Variants in RSRC1 observed in about 807,000 individuals in gnomAD.
The protein encoded by RSRC1 is arginine and serine rich coiled-coil 1.
A neutral mutation model predicts 49.1 loss-of-function variants in RSRC1; 39 were observed. That is an observed-to-expected ratio of 0.79 (90% CI 0.61 to 1.04). RSRC1 has a LOEUF of 1.04. Among genes scored for constraint, RSRC1 ranks in the 50% least tolerant of loss-of-function variants. The pLI is 0.00. For synonymous variants in RSRC1, 143 were observed against 130.8 expected, an observed-to-expected ratio of 1.09 and a Z score of -0.63; for missense variants, 388 against 402.4, an observed-to-expected ratio of 0.96 and a Z score of 0.31.
chr3:158,331,917 C>G (rs1559997148), intron 5 of RSRC1, among the ~76,000 whole-genome samples: 1 of 149,984 alleles, frequency 6.7e-6, no homozygotes, highest in Non-Finnish European at 1.5e-5. Flanking sequence ...TATTTAGTTG[C>G]TCTTTCATAA....
chr3:158,257,079 C>T (rs186173002), intron 4 of RSRC1, among the ~76,000 whole-genome samples: 9 of 152,172 alleles, frequency 5.9e-5, no homozygotes, highest in Admixed American at 3.9e-4. Context: ...TCCTTTGGTT[C>T]TGCTCTGATC....
At position 158,545,219 on chromosome 3, in the gene RSRC1, T is replaced by TTTTTTTTTTTTTTTG. The variant is rs1713277717; in HGVS notation, c.*944_*945insTTTTTTTTTTTTTTG. 7.2e-6 allele frequency: 1 copy of TTTTTTTTTTTTTTTG among 138,836 alleles called. No individual in the cohort carries two copies. The allele number at this position is 138,836 out of a possible 1,614,324, so 8.6% of individuals were successfully genotyped here. ...TTTTTTTTTTTTTTTTTTTTTTTTTTGAGACGGAGTCTCGCTCTATCCCCC... is the reference window on the plus strand; with the variant it reads ...TTTTTTTTTTTTTTTTTTTTTTTTTTTTTTTTTTTTTTTTGGAGACGGAGTCTCGCTCTATCCCCC... On this transcript the variant is annotated 3_prime_UTR_variant, in exon 10 of 10. Transcript: ENST00000611884.
At chr3:158,246,304 G>C (rs1723889211) in intron 4 of RSRC1, among the ~76,000 whole-genome samples, 1 of 151,394 alleles carries the variant, frequency 6.6e-6, no homozygotes, top group South Asian at 2.1e-4. Context: ...GTTAAATGAC[G>C]AGTTAATGGG....
chr3:158,167,380 A>G lies in RSRC1; in HGVS notation c.321-35692A>G, dbSNP rs546078306. Among the ~76,000 whole-genome samples, 223 of 152,192 alleles carry G rather than the reference A, an allele frequency of 1.5e-3. 1 individual carries two copies. The highest frequency in any genetic ancestry group is 5.2e-3 in the African/African-American group (217 of 41,544). On this transcript the variant is annotated intron_variant, in intron 3 of 9. Transcript: ENST00000611884. ...TAATTTTTGTGTATTTTGTAGAAAC[A>G]GAGTTTCACCATGTTGCCTAGGCTG...
At chr3:158,153,793 AGGAGCTTGT>A (rs2108215102) in intron 3 of RSRC1, among the ~76,000 whole-genome samples, 1 of 152,052 alleles carries the variant, frequency 6.6e-6, no homozygotes, top group Admixed American at 6.6e-5. Context: ...TTTTGGATTG[AGGAGCTTGT>A]TTTTGAGAGT....
chr3:158,266,176 C>G (rs1342244774), intron 4 of RSRC1, among the ~76,000 whole-genome samples: 1 of 152,020 alleles, frequency 6.6e-6, no homozygotes, highest in African/African-American at 2.4e-5. Context: ...AACACAGAAT[C>G]TTATTGTTTC....
intron 7 of RSRC1, among the ~76,000 whole-genome samples, chr3:158,495,268 T>C (rs1012828916): frequency 1.5e-4 from 23 of 152,156 alleles, no homozygotes; most frequent in Non-Finnish European, 1.0e-4. Context: ...TTTTTGTTTT[T>C]GTTTTTTGGG....
chr3:158,113,947 G>T (rs539038192), intron 1 of RSRC1, among the ~76,000 whole-genome samples: 2 of 151,870 alleles, frequency 1.3e-5, no homozygotes, highest in South Asian at 2.1e-4. Context: ...TCTATAGATT[G>T]TCTGTTCGTT....
In RSRC1 at chr3:158,425,255, G is replaced by A. The variant is rs556977707; in HGVS notation, c.584-35680G>A. 2.6e-5 allele frequency among the ~76,000 whole-genome samples: 4 copies of A among 152,150 alleles called. No individual in the cohort carries two copies. The South Asian group carries it at 8.3e-4, about 32-fold the overall frequency. ...TCCCTCTACACACTGCTTTGAATGT[G>A]TCCCAGAGATTGTGGTATATTGTGT... On this transcript the variant is annotated intron_variant, in intron 6 of 9. Transcript: ENST00000611884.
intron 5 of RSRC1, among the ~76,000 whole-genome samples, chr3:158,325,750 C>T (rs1356015200): frequency 4.6e-5 from 7 of 152,086 alleles, no homozygotes; most frequent in Admixed American, 1.3e-4. Context: ...AAGTAGTGTT[C>T]TCCAATTCTG....
chr3:158,155,569 C>T (rs375253988), intron 3 of RSRC1, among the ~76,000 whole-genome samples: 92 of 150,662 alleles, frequency 6.1e-4, no homozygotes, highest in Non-Finnish European at 1.2e-3. Flanking sequence ...GTAGGTGGGA[C>T]TACAGGAATG....
rs1721213863 is a variant in RSRC1 at position 158,203,950 on chromosome 3, CTTGT to C, written c.494+712_494+715del. Among the ~76,000 whole-genome samples the C allele has an allele frequency of 2.0e-5, 3 of 152,178 alleles. No individual in the cohort carries two copies. In the South Asian group the frequency reaches 6.2e-4, roughly 32 times the overall value. ...TTTTAACAGAGTAAATTTACAGCAT[CTTGT>C]TTGTTTTATTCAAAATTGTAATTGG... On this transcript the variant is annotated intron_variant, in intron 4 of 9. Transcript: ENST00000611884.
chr3:158,394,320 A>G (rs1733489100), intron 6 of RSRC1, among the ~76,000 whole-genome samples: 1 of 152,112 alleles, frequency 6.6e-6, no homozygotes, highest in African/African-American at 2.4e-5. Context: ...TAAGCAAAAG[A>G]AAGAAAAAAA....
chr3:158,176,401 A>C (rs770254896), intron 3 of RSRC1, among the ~76,000 whole-genome samples: 8 of 152,216 alleles, frequency 5.3e-5, no homozygotes, highest in Non-Finnish European at 1.0e-4. Context: ...ACTTCAAACT[A>C]TACTACAAGG....
chr3:158,225,867 A>G (rs978184830), intron 4 of RSRC1: 1 of 287,712 alleles, frequency 3.5e-6, no homozygotes, highest in Non-Finnish European at 6.8e-6. Flanking sequence ...ACACTAGAGA[A>G]TGGTACAAAA....
chr3:158,146,830 A>G (rs1291891664), intron 3 of RSRC1, among the ~76,000 whole-genome samples: 3 of 152,140 alleles, frequency 2.0e-5, no homozygotes, highest in Admixed American at 1.3e-4. Context: ...CTATTCAGAG[A>G]TTTAGCTTCT....
intron 3 of RSRC1, among the ~76,000 whole-genome samples, chr3:158,179,988 T>C (rs1162862539): frequency 1.3e-5 from 2 of 152,258 alleles, no homozygotes; most frequent in African/African-American, 2.4e-5. Context: ...TTAATGATGC[T>C]GAACAACTTT....
chr3:158,442,957 T>TA (rs971036742), intron 6 of RSRC1, among the ~76,000 whole-genome samples: 1 of 152,078 alleles, frequency 6.6e-6, no homozygotes, highest in African/African-American at 2.4e-5. Context: ...ATACTGTCAA[T>TA]AAGCAATAAT....
At chr3:158,191,633 T>C (rs1720251534) in intron 3 of RSRC1, among the ~76,000 whole-genome samples, 1 of 152,028 alleles carries the variant, frequency 6.6e-6, no homozygotes, top group Admixed American at 6.6e-5. Context: ...TGTTCTAGAG[T>C]GCCACATTTT....
Sources: gnomAD v4.1 joint callset for allele counts (sites outside exome capture counted in the v4.1 genomes callset) on GRCh38, gnomAD v4.1.1 for gene constraint, MANE v1.5 for transcripts, NCBI Gene and HGNC (gene_info 2026-07-23, HGNC 2026-07-21) for gene names.